IL7: variants seen among roughly 807,000 people sequenced by gnomAD.
IL7 encodes the protein interleukin-7.
IL7 carries 3 observed loss-of-function variants against 21.6 expected under a neutral mutation model. The ratio of observed to expected loss-of-function variants is 0.14; its 90% CI spans 0.06 to 0.36. The LOEUF is 0.36. IL7 is among the 10% of genes least tolerant of loss of function. IL7 has a pLI of 1.00. For synonymous variants in IL7, 62 were observed against 68.1 expected, an observed-to-expected ratio of 0.91 and a Z score of 0.44; for missense variants, 175 against 200.2, an observed-to-expected ratio of 0.87 and a Z score of 0.76.
chr8:78,767,215 AGT>A (rs752271682), intron 2 of IL7, among the ~76,000 whole-genome samples: 1 of 151,436 alleles, frequency 6.6e-6, no homozygotes, highest in Non-Finnish European at 1.5e-5. Context: ...ATACAGTGTG[AGT>A]GAGTGTGTGT....
At chr8:78,691,183 G>A (rs929557916) in intron 3 of IL7, among the ~76,000 whole-genome samples, 51 of 152,102 alleles carry the variant, frequency 3.4e-4, no homozygotes, top group African/African-American at 1.1e-3. Flanking sequence ...TTTCACCATT[G>A]TGTATGATGT....
In IL7 at chr8:78,777,247, C is replaced by T. The variant is rs1586095766; in HGVS notation, c.147+20825G>A. Among the ~76,000 whole-genome samples the T allele has an allele frequency of 2.0e-5, 3 of 152,076 alleles. 1 individual carries two copies. In the East Asian group the frequency reaches 5.8e-4, roughly 29 times the overall value. On this transcript the variant is annotated intron_variant, in intron 2 of 5. Transcript: ENST00000263851. The stretch of plus-strand genomic sequence containing the variant: ...CAATATAGTAATTTTCATAAAATAG[C>T]TATTCAGGCCTGGGAGTATTAGACG...
intron 3 of IL7, among the ~76,000 whole-genome samples, chr8:78,709,398 G>A (rs188579283): frequency 1.8e-3 from 272 of 152,204 alleles, no homozygotes; most frequent in Non-Finnish European, 2.2e-3. Flanking sequence ...TGTGTGGAGC[G>A]TTATGTGAAT....
At chr8:78,740,318 A>G (rs1390790348) in intron 2 of IL7, among the ~76,000 whole-genome samples, 1 of 152,162 alleles carries the variant, frequency 6.6e-6, no homozygotes, top group Non-Finnish European at 1.5e-5. Context: ...CCATAATTGA[A>G]TCCCAGAATT....
At chr8:78,717,341 T>C (rs1363559314), downstream of IL7, 1 of 1,607,586 alleles carries the variant, frequency 6.2e-7, no homozygotes, top group East Asian at 2.2e-5. Context: ...AGATGGGGAC[T>C]GTGCATCTTC....
At chr8:78,675,752 A>C in exon 5 of IL7, 15 of 1,471,880 alleles carry the variant, frequency 1.0e-5, no homozygotes, top group South Asian at 1.2e-5. Flanking sequence ...ATTTCAAGTT[A>C]TATAAATTAT....
chr8:78,680,583 A>G (rs931754049), intron 4 of IL7, among the ~76,000 whole-genome samples: 2 of 152,236 alleles, frequency 1.3e-5, no homozygotes, highest in African/African-American at 2.4e-5. Flanking sequence ...AGAAAATCCT[A>G]CAAAATCATA....
At chr8:78,756,747 C>T (rs534968997) in intron 2 of IL7, among the ~76,000 whole-genome samples, 1 of 151,780 alleles carries the variant, frequency 6.6e-6, no homozygotes, top group African/African-American at 2.4e-5. Flanking sequence ...TTTATCTTTT[C>T]ATCTCCTTGG....
At chr8:78,714,994 A>G (rs1811055699), downstream of IL7, among the ~76,000 whole-genome samples, 1 of 152,184 alleles carries the variant, frequency 6.6e-6, no homozygotes, top group Non-Finnish European at 1.5e-5. Context: ...TACATATTTT[A>G]GTTGATTTTA....
Position 78,678,388 on chromosome 8 carries a change from C to T in IL7, n.274-2284G>A, listed in dbSNP as rs150757605. On this transcript the variant is annotated intron_variant and non_coding_transcript_variant, in intron 4 of 4. Transcript: ENST00000523959. ...TAACTTAGAGCGTGCATTATATATA[C>T]GTTTTACAACTTAACATTTGGTTAA... 3.2e-3 allele frequency among the ~76,000 whole-genome samples: 493 copies of T among 152,078 alleles called. 2 individuals are homozygous for T. The highest frequency in any genetic ancestry group is 0.011 in the African/African-American group (466 of 41,488).
At chr8:78,735,694 T>G (rs1339694630) in intron 5 of IL7, among the ~76,000 whole-genome samples, 1 of 152,220 alleles carries the variant, frequency 6.6e-6, no homozygotes, top group Non-Finnish European at 1.5e-5. Context: ...ACTTCAGATG[T>G]TCCACTTTGC....
intron 3 of IL7, among the ~76,000 whole-genome samples, chr8:78,707,312 T>C (rs1810803415): frequency 1.3e-5 from 2 of 152,206 alleles, no homozygotes; most frequent in Non-Finnish European, 2.9e-5. Context: ...TATTCCTAGA[T>C]AGGACGTGTA....
intron 2 of IL7, among the ~76,000 whole-genome samples, chr8:78,753,451 G>A (rs1812243373): frequency 6.6e-6 from 1 of 152,082 alleles, no homozygotes; most frequent in South Asian, 2.1e-4. Flanking sequence ...ATTTGTTTAA[G>A]TTCCTTGTAG....
Position 78,747,079 on chromosome 8 carries a change from C to G in IL7, c.148-6997G>C, listed in dbSNP as rs1166546636. 6.6e-6 allele frequency: 3 copies of G among 454,232 alleles called. No individual in the cohort carries two copies. The Admixed American group carries it at 7.1e-5, about 11-fold the overall frequency. 28.1% of individuals were successfully genotyped at this position (454,232 alleles called of 1,614,324 possible). On this transcript the variant is annotated intron_variant, in intron 2 of 5. Coordinates refer to ENST00000263851, the MANE Select transcript of IL7 (RefSeq NM_000880.4). The stretch of plus-strand genomic sequence containing the variant: ...GCTTCCTTTCTGTTCTTTTTTCTTT[C>G]TTTTTGTAGGGCTGATTCTAAGGAT...
At chr8:78,727,394 A>G (rs1448220913) in intron 3 of IL7, among the ~76,000 whole-genome samples, 1 of 152,008 alleles carries the variant, frequency 6.6e-6, no homozygotes, top group African/African-American at 2.4e-5. Flanking sequence ...GGACAGAGGA[A>G]TGAGTTCACA....
At chr8:78,761,584 C>T in intron 2 of IL7, 1 of 1,611,892 alleles carries the variant, frequency 6.2e-7, no homozygotes, top group Non-Finnish European at 8.5e-7. Context: ...CATCAACAAA[C>T]CTCACCAACA....
intron 5 of IL7, among the ~76,000 whole-genome samples, chr8:78,720,154 G>C (rs1048121926): frequency 6.6e-6 from 1 of 151,780 alleles, no homozygotes; most frequent in Non-Finnish European, 1.5e-5. Flanking sequence ...GGAATTTAGT[G>C]AAATTTCAGA....
At chr8:78,761,538 G>A in intron 2 of IL7, 1 of 1,611,886 alleles carries the variant, frequency 6.2e-7, no homozygotes, top group South Asian at 1.1e-5. Context: ...TCATAAGGCA[G>A]GAAGCCTATA....
At chr8:78,724,088 A>C (rs1194085545) in intron 3 of IL7, 1 of 154,648 alleles carries the variant, frequency 6.5e-6, no homozygotes, top group African/African-American at 2.4e-5. Context: ...AAGAAAAGGG[A>C]AGTTCTGGGA....
Sources: gnomAD v4.1 joint callset for allele counts (sites outside exome capture counted in the v4.1 genomes callset) on GRCh38, gnomAD v4.1.1 for gene constraint, MANE v1.5 for transcripts, NCBI Gene and HGNC (gene_info 2026-07-23, HGNC 2026-07-21) for gene names.